RBBP8NL: variants seen among roughly 807,000 people sequenced by gnomAD.
RBBP8NL encodes the protein RBBP8 N-terminal like, also known as RBBP8 N-terminal-like protein.
In RBBP8NL, 59 loss-of-function variants were observed where a neutral mutation model predicts 62.2. That is an observed-to-expected ratio of 0.95 (90% CI 0.77 to 1.18). The LOEUF (loss-of-function observed/expected upper bound fraction) is 1.18, where lower values mean the gene tolerates loss of function less well. Ranked by LOEUF, RBBP8NL falls within the 50% of genes most tolerant of loss-of-function variation. The probability of loss-of-function intolerance (pLI) is 0.00; values close to 1 mark genes in which losing one functional copy is unlikely to be tolerated. For missense variants in RBBP8NL, 896 were observed against 899.5 expected (o/e 1.00, Z 0.05); for synonymous variants, 412 against 394.1 (o/e 1.05, Z -0.54).
rs1268521515 is a variant in RBBP8NL at position 62,418,406 on chromosome 20, T to A, written c.104+17A>T. 6.5e-7 allele frequency: 1 copy of A among 1,550,254 alleles called. No individual in the cohort carries two copies. Among genetic ancestry groups the A allele is most frequent in the Admixed American group, 2.0e-5 (1 of 51,012 alleles). On this transcript the variant is annotated intron_variant, in intron 3 of 13. Transcript: ENST00000252998. ...GTGTGGTCCCTGTGAGGAGGGGCCC[T>A]GCTTGGCCTGACTCACCGGCACCTC...
chr20:62,423,681 A>C (rs1988753209), intron 1 of RBBP8NL, among the ~76,000 whole-genome samples: 2 of 152,184 alleles, frequency 1.3e-5, no homozygotes, highest in South Asian at 4.1e-4. Context: ...ACTGTGGTGC[A>C]GAGGCTGGGA....
chr20:62,411,775 C>T (rs1276840535), intron 13 of RBBP8NL, among the ~76,000 whole-genome samples: 1 of 152,364 alleles, frequency 6.6e-6, no homozygotes, highest in East Asian at 1.9e-4. Flanking sequence ...TCACAGACTG[C>T]ACCCCCCGGG....
intron 1 of RBBP8NL, among the ~76,000 whole-genome samples, chr20:62,427,029 G>A (rs1401656671): frequency 6.6e-6 from 1 of 152,198 alleles, no homozygotes; most frequent in Non-Finnish European, 1.5e-5. Flanking sequence ...CCTGCTCAGT[G>A]CCCAGCTGCG....
chr20:62,416,295 G>A, intron 5 of RBBP8NL, 59 bp from the exon 6 acceptor site: 1 of 1,226,020 alleles, frequency 8.2e-7, no homozygotes, highest in South Asian at 1.3e-5. Context: ...GGGCAGGGGT[G>A]GGGTCGTCAC....
intron 1 of RBBP8NL, among the ~76,000 whole-genome samples, chr20:62,427,053 T>C (rs1988826801): frequency 6.6e-6 from 1 of 152,194 alleles, no homozygotes; most frequent in African/African-American, 2.4e-5. Context: ...GCTGCACCCC[T>C]GCACCACCCT....
chr20:62,424,361 T>A (rs1988764957), intron 1 of RBBP8NL, among the ~76,000 whole-genome samples: 1 of 152,076 alleles, frequency 6.6e-6, no homozygotes, highest in African/African-American at 2.4e-5. Context: ...CACCATGCCT[T>A]GCCCTCTGCT....
At chr20:62,419,838 C>A (rs1988661155) in intron 1 of RBBP8NL, 108 bp from the exon 2 acceptor site, 1 of 604,052 alleles carries the variant, frequency 1.7e-6, no homozygotes, top group Non-Finnish European at 2.9e-6. Flanking sequence ...AGACCCCATG[C>A]CATGCTGTAG....
chr20:62,424,947 G>A (rs2146447228), intron 1 of RBBP8NL, among the ~76,000 whole-genome samples: 1 of 145,090 alleles, frequency 6.9e-6, no homozygotes, highest in South Asian at 2.4e-4. Context: ...GGTGCTGGCT[G>A]GAGAGTCAGT....
Position 62,426,646 on chromosome 20 carries a change from G to T in RBBP8NL, c.-84+814C>A, listed in dbSNP as rs148835816. On this transcript the variant is annotated intron_variant, in intron 1 of 13. Transcript: ENST00000252998. Reference sequence around the variant, plus strand: ...AGACTTCGGCCAGGTCGCTTGTCTGGCCGTGCCTCAGTTTCTGTGACTGTA... The same window carrying T: ...AGACTTCGGCCAGGTCGCTTGTCTGTCCGTGCCTCAGTTTCTGTGACTGTA... 2.5e-3 allele frequency among the ~76,000 whole-genome samples: 387 copies of T among 152,360 alleles called. 1 individual carries two copies. Among genetic ancestry groups the T allele is most frequent in the Admixed American group, 3.9e-3 (59 of 15,306 alleles).
Position 62,415,146 on chromosome 20 carries a change from A to T in RBBP8NL, c.769T>A (p.Tyr257Asn). The change falls in exon 9 of 14, where the codon TAT becomes AAT. Residue 257 changes from tyrosine to asparagine, a missense_variant. Transcript: ENST00000252998. ...CTGTCCAGGGAGAGGCCACGCTCATACGCTGGGCTGGGTGGGCTGCTCCTG... is the reference window on the plus strand; with the variant it reads ...CTGTCCAGGGAGAGGCCACGCTCATTCGCTGGGCTGGGTGGGCTGCTCCTG... ...PARSSPPSPA[Y>N]ERGLSLDSFL... 6.6e-7 allele frequency: 1 copy of T among 1,504,310 alleles called. No individual in the cohort carries two copies. The highest frequency in any genetic ancestry group is 8.9e-7 in the Non-Finnish European group (1 of 1,123,874). 93.2% of individuals were successfully genotyped at this position (1,504,310 alleles called of 1,614,324 possible).
At chr20:62,425,993 TGGGAGTGGCAGTGGCAGTGGCAGC>T (rs1307294707) in intron 1 of RBBP8NL, among the ~76,000 whole-genome samples, 2 of 137,538 alleles carry the variant, frequency 1.5e-5, no homozygotes, top group Non-Finnish European at 3.1e-5. Flanking sequence ...GCAGTGGCAG[TGGGAGTGGCAGTGGCAGTGGCAGC>T]GGCAGTGGCA....
chr20:62,413,549 G>T lies in RBBP8NL; in HGVS notation c.1531-4C>A. ...CTGGAAGTGGGCGTGAGGGGTCCTG[G>T]GGGGAGGCAAGTAGGTGGCTTGAGT... On this transcript the variant is annotated splice_region_variant and splice_polypyrimidine_tract_variant and intron_variant, in intron 10 of 13. Coordinates refer to ENST00000252998, the MANE Select transcript of RBBP8NL (RefSeq NM_080833.3). 2 of 1,521,364 alleles carry T rather than the reference G, an allele frequency of 1.3e-6. No homozygotes were observed. Among genetic ancestry groups the T allele is most frequent in the Non-Finnish European group, 1.8e-6 (2 of 1,140,084 alleles). 94.2% of individuals were successfully genotyped at this position (1,521,364 alleles called of 1,614,324 possible).
At chr20:62,416,008 A>G (rs565089602) in intron 6 of RBBP8NL, 63 bp from the exon 7 acceptor site, 3 of 1,484,978 alleles carry the variant, frequency 2.0e-6, no homozygotes, top group South Asian at 2.6e-5. Flanking sequence ...TGATCAGAAA[A>G]GCCGGGCCCA....
At chr20:62,414,709 T>C (rs947151079) in intron 9 of RBBP8NL, among the ~76,000 whole-genome samples, 153 bp from the exon 10 acceptor site, 2 of 152,044 alleles carry the variant, frequency 1.3e-5, no homozygotes, top group African/African-American at 4.8e-5. Context: ...CCATGGCAGG[T>C]AGTGGAGGGA....
intron 1 of RBBP8NL, among the ~76,000 whole-genome samples, chr20:62,420,679 G>A (rs761285918): frequency 4.6e-5 from 7 of 152,172 alleles, no homozygotes; most frequent in Non-Finnish European, 4.4e-5. Flanking sequence ...GCAGGTACAC[G>A]GAAACACACA....
Position 62,410,788 on chromosome 20 carries a change from G to T in RBBP8NL, c.*90C>A. 1.2e-6 allele frequency: 1 copy of T among 855,056 alleles called. No individual in the cohort carries two copies. 53.0% of individuals were successfully genotyped at this position (855,056 alleles called of 1,614,324 possible). A position where few individuals can be genotyped will look rare whatever the true frequency, so the allele number is the denominator to read the frequency against. On this transcript the variant is annotated 3_prime_UTR_variant, in exon 14 of 14. Transcript: ENST00000252998. ...TTCTCCCAGGGTTCTGTGCAGGGCT[G>T]CCTGCTGGTTGGATGGTGTGCCCTC...
intron 1 of RBBP8NL, among the ~76,000 whole-genome samples, chr20:62,425,806 C>T (rs974456739): frequency 1.3e-5 from 2 of 152,278 alleles, no homozygotes; most frequent in Non-Finnish European, 2.9e-5. Flanking sequence ...GTCTCTGAGG[C>T]CTGGGCTGTC....
At chr20:62,418,775 G>A (rs919637301) in intron 2 of RBBP8NL, among the ~76,000 whole-genome samples, 1 of 152,192 alleles carries the variant, frequency 6.6e-6, no homozygotes, top group Non-Finnish European at 1.5e-5. Flanking sequence ...AGGGACCGAG[G>A]GGCCATTTTG....
intron 13 of RBBP8NL, among the ~76,000 whole-genome samples, chr20:62,411,295 G>A (rs905231835): frequency 6.6e-6 from 1 of 152,218 alleles, no homozygotes; most frequent in Non-Finnish European, 1.5e-5. Context: ...ATACTGGCTG[G>A]CCTGACACTG....
Sources: allele counts gnomAD v4.1 joint callset (sites outside exome capture counted in the v4.1 genomes callset), GRCh38; gene constraint gnomAD v4.1.1; transcripts MANE v1.5; gene names NCBI Gene and HGNC (gene_info 2026-07-23, HGNC 2026-07-21).